The following PDE1A variants were observed in gnomAD, a reference collection of about 807,000 sequenced individuals.
The protein encoded by PDE1A is phosphodiesterase 1A, also known as dual specificity calcium/calmodulin-dependent 3',5'-cyclic nucleotide phosphodiesterase 1A.
Under a neutral mutation model 61.7 loss-of-function variants are expected in PDE1A, and 35 were observed. The observed-to-expected ratio is 0.57, with a 90% CI of 0.43 to 0.75. The LOEUF (loss-of-function observed/expected upper bound fraction) is 0.75. PDE1A is among the 30% of genes least tolerant of loss of function. The pLI, the probability that PDE1A is intolerant of heterozygous loss-of-function variation, is 0.00. For missense variants in PDE1A, 597 were observed against 630.6 expected, an observed-to-expected ratio of 0.95 and a Z score of 0.57; for synonymous variants, 232 against 213.2, an observed-to-expected ratio of 1.09 and a Z score of -0.77.
chr2:182,527,351 T>A (rs1355916569), upstream of PDE1A, among the ~76,000 whole-genome samples: 84 of 79,848 alleles, frequency 1.1e-3, 16 homozygotes, highest in African/African-American at 4.9e-3. Context: ...TATATATATA[T>A]ATATATATAT....
chr2:182,516,358 C>A (rs1337436898), intron 2 of PDE1A, among the ~76,000 whole-genome samples: 1 of 152,014 alleles, frequency 6.6e-6, no homozygotes. Context: ...ACTTTTCGAG[C>A]CTTTGTGATT....
chr2:182,343,986 T>C (rs1698360112), intron 1 of PDE1A, among the ~76,000 whole-genome samples: 1 of 151,818 alleles, frequency 6.6e-6, no homozygotes, highest in Admixed American at 6.6e-5. Flanking sequence ...TCCTCCTATC[T>C]CAGCTTCCCA....
At chr2:182,385,619 CAGAAAGAAAGAAAGAAAGAAGAAGAA>C (rs1700987035) in intron 1 of PDE1A, among the ~76,000 whole-genome samples, 1 of 39,048 alleles carries the variant, frequency 2.6e-5, no homozygotes, top group Admixed American at 2.7e-4. Context: ...ATGAAAGAAA[CAGAAAGAAAGAAAGAAAGAAGAAGAA>C]AGAAAGAAAG....
intron 7 of PDE1A, among the ~76,000 whole-genome samples, chr2:182,211,199 G>A (rs912587598): frequency 6.6e-6 from 1 of 152,202 alleles, no homozygotes; most frequent in Non-Finnish European, 1.5e-5. Context: ...AGCAGTTTGT[G>A]TCTAGATTCT....
intron 1 of PDE1A, among the ~76,000 whole-genome samples, chr2:182,298,588 C>T (rs539794508): frequency 6.6e-6 from 1 of 152,174 alleles, no homozygotes; most frequent in Non-Finnish European, 1.5e-5. Flanking sequence ...AGGATAGCAG[C>T]CTTTCTTTTA....
At chr2:182,267,636 C>T (rs776360328) in intron 1 of PDE1A, among the ~76,000 whole-genome samples, 1 of 151,954 alleles carries the variant, frequency 6.6e-6, no homozygotes, top group Admixed American at 6.6e-5. Flanking sequence ...AACTAGAACA[C>T]GAGCTTAATG....
intron 2 of PDE1A, among the ~76,000 whole-genome samples, chr2:182,510,141 C>A (rs554951663): frequency 6.6e-6 from 1 of 151,816 alleles, no homozygotes; most frequent in Non-Finnish European, 1.5e-5. Flanking sequence ...AGTAAAAGTC[C>A]ACGTTTTTAA....
At chr2:182,622,865 A>G in the PDE1A span, among the ~76,000 whole-genome samples, 1 of 152,194 alleles carries the variant, frequency 6.6e-6, no homozygotes. Context: ...CACAGATTCA[A>G]GGACATATTC....
At chr2:182,596,060 T>C in the PDE1A span, among the ~76,000 whole-genome samples, 6 of 152,220 alleles carry the variant, frequency 3.9e-5, no homozygotes, top group African/African-American at 1.4e-4. Flanking sequence ...GCAAATAAAG[T>C]CAAAAGCTAA....
At chr2:182,338,239 G>C (rs1697966457) in intron 1 of PDE1A, among the ~76,000 whole-genome samples, 2 of 152,178 alleles carry the variant, frequency 1.3e-5, no homozygotes, top group South Asian at 4.1e-4. Context: ...CCCAGTAACT[G>C]TTTGATGTGG....
At chr2:182,711,615 A>C in the PDE1A span, among the ~76,000 whole-genome samples, 1 of 152,044 alleles carries the variant, frequency 6.6e-6, no homozygotes, top group East Asian at 1.9e-4. Context: ...TCTTCCAAAG[A>C]ACCAAGGCTT....
chr2:182,527,318 AAAAAAAAAAATATATATATAT>A (rs1374693939), upstream of PDE1A, among the ~76,000 whole-genome samples: 34 of 48,610 alleles, frequency 7.0e-4, 1 homozygote, highest in Admixed American at 2.0e-3. Flanking sequence ...AAAAAAAAAA[AAAAAAAAAAATATATATATAT>A]ATATATATAT....
chr2:182,432,562 C>T (rs1301048392), intron 2 of PDE1A, among the ~76,000 whole-genome samples: 4 of 152,004 alleles, frequency 2.6e-5, no homozygotes, highest in African/African-American at 9.7e-5. Flanking sequence ...AAAAGATGCT[C>T]ACTGGTTATT....
intron 2 of PDE1A, among the ~76,000 whole-genome samples, chr2:182,462,611 T>C (rs901678244): frequency 3.3e-5 from 5 of 151,854 alleles, no homozygotes; most frequent in Non-Finnish European, 7.4e-5. Context: ...TTCTTAGATA[T>C]TGACTAGTCA....
intron 1 of PDE1A, among the ~76,000 whole-genome samples, chr2:182,398,743 G>A (rs1479690653): frequency 6.6e-6 from 1 of 151,948 alleles, no homozygotes; most frequent in Non-Finnish European, 1.5e-5. Flanking sequence ...AATCTTACTA[G>A]TTTTTTCATT....
chr2:182,334,563 TA>T (rs1160961960), intron 1 of PDE1A, among the ~76,000 whole-genome samples: 5 of 152,130 alleles, frequency 3.3e-5, no homozygotes, highest in Non-Finnish European at 7.4e-5. Flanking sequence ...AGGCCTTCAA[TA>T]AAATTCAACA....
chr2:182,593,979 T>G, the PDE1A span, among the ~76,000 whole-genome samples: 1 of 152,166 alleles, frequency 6.6e-6, no homozygotes, highest in East Asian at 1.9e-4. Context: ...GAAGTAATTT[T>G]TATCTGTTCC....
intron 1 of PDE1A, among the ~76,000 whole-genome samples, chr2:182,380,278 T>A (rs1700654437): frequency 6.6e-6 from 1 of 151,938 alleles, no homozygotes; most frequent in African/African-American, 2.4e-5. Flanking sequence ...GCCAGGCTAC[T>A]TTTTTGTATT....
chr2:182,222,950 A>T (rs1425690894), intron 7 of PDE1A, among the ~76,000 whole-genome samples: 1 of 152,006 alleles, frequency 6.6e-6, no homozygotes, highest in African/African-American at 2.4e-5. Flanking sequence ...CTAACTAAAA[A>T]GAGGTTAGGG....
Sources: gnomAD v4.1 joint callset for allele counts (sites outside exome capture counted in the v4.1 genomes callset) on GRCh38, gnomAD v4.1.1 for gene constraint, MANE v1.5 for transcripts, NCBI Gene and HGNC (gene_info 2026-07-23, HGNC 2026-07-21) for gene names.